Variants in GADL1 observed in about 807,000 individuals in gnomAD.
GADL1 encodes the protein GAD like acidic amino acid decarboxylase 1.
In GADL1, 71 loss-of-function variants were observed where a neutral mutation model predicts 69.5. The ratio of observed to expected loss-of-function variants is 1.02; its 90% CI spans 0.84 to 1.25. GADL1 has a LOEUF of 1.25. Ranked by LOEUF, GADL1 falls within the 50% of genes most tolerant of loss-of-function variation. GADL1 has a pLI of 0.00. For synonymous variants in GADL1, 254 were observed against 214.4 expected (o/e 1.18, Z -1.62); for missense variants, 737 against 631.8 (o/e 1.17, Z -1.79).
chr3:30,775,240 C>T (rs996769222), intron 14 of GADL1, among the ~76,000 whole-genome samples: 3 of 152,154 alleles, frequency 2.0e-5, no homozygotes, highest in Non-Finnish European at 2.9e-5. Context: ...CCCCTTCTGC[C>T]GCCAAATGGA....
At chr3:30,766,571 A>ATG (rs1696286874) in intron 14 of GADL1, among the ~76,000 whole-genome samples, 1 of 152,062 alleles carries the variant, frequency 6.6e-6, no homozygotes, top group Non-Finnish European at 1.5e-5. Context: ...TTTTCTCTTA[A>ATG]TGAGGAAACA....
chr3:30,801,843 T>C (rs543519678), intron 11 of GADL1, among the ~76,000 whole-genome samples: 1 of 152,266 alleles, frequency 6.6e-6, no homozygotes, highest in Non-Finnish European at 1.5e-5. Context: ...GATTTCCTAA[T>C]CAATCATTTA....
chr3:30,771,473 C>T (rs1696416727), intron 14 of GADL1, among the ~76,000 whole-genome samples: 1 of 152,180 alleles, frequency 6.6e-6, no homozygotes, highest in Non-Finnish European at 1.5e-5. Context: ...ACAATGCCAG[C>T]CACTATCCAA....
chr3:30,798,454 T>C lies in GADL1; in HGVS notation c.1250+2435A>G, dbSNP rs963201695. The stretch of plus-strand genomic sequence containing the variant: ...AAACCATCAGAGCTTGTGAGACTTA[T>C]GCACTACCATGACAGCAGTATGGGG... On this transcript the variant is annotated intron_variant, in intron 12 of 14. Coordinates refer to ENST00000282538, the MANE Select transcript of GADL1 (RefSeq NM_207359.3). 7 of 152,322 alleles carry C rather than the reference T, an allele frequency of 4.6e-5. No individual in the cohort carries two copies. In the Middle Eastern group the frequency reaches 0.01, roughly 221 times the overall value. 9.4% of individuals were successfully genotyped at this position (152,322 alleles called of 1,614,324 possible). A position where few individuals can be genotyped will look rare whatever the true frequency, so the allele number is the denominator to read the frequency against.
chr3:30,783,909 C>A (rs1165042858), intron 13 of GADL1, among the ~76,000 whole-genome samples: 1 of 152,070 alleles, frequency 6.6e-6, no homozygotes, highest in African/African-American at 2.4e-5. Context: ...TTAATCGGCC[C>A]ATCTTTTTTC....
At chr3:30,828,479 T>TAG (rs1553601346) in intron 11 of GADL1, among the ~76,000 whole-genome samples, 1 of 133,318 alleles carries the variant, frequency 7.5e-6, no homozygotes, top group African/African-American at 2.9e-5. Context: ...AAAATAAAAG[T>TAG]GGGGGGGGTG....
chr3:30,857,403 G>A (rs1024706220), intron 2 of GADL1, among the ~76,000 whole-genome samples: 2 of 151,908 alleles, frequency 1.3e-5, no homozygotes, highest in Non-Finnish European at 2.9e-5. Context: ...AGAGTAGAGC[G>A]AATCAAAGTT....
intron 11 of GADL1, among the ~76,000 whole-genome samples, chr3:30,825,961 TAATAA>T (rs1195379980): frequency 3.3e-5 from 5 of 151,968 alleles, no homozygotes; most frequent in Admixed American, 3.3e-4. Context: ...CGTGAGTTAA[TAATAA>T]AATAAAAGGC....
At chr3:30,824,614 C>A (rs1220890675) in intron 11 of GADL1, among the ~76,000 whole-genome samples, 1 of 151,644 alleles carries the variant, frequency 6.6e-6, no homozygotes, top group African/African-American at 2.4e-5. Flanking sequence ...TGAAAATAAT[C>A]ATCAGATTGT....
In GADL1 at chr3:30,778,276, T is replaced by C. The variant is rs1696585044; in HGVS notation, c.1303-8A>G. 2 of 1,544,282 alleles carry C rather than the reference T, an allele frequency of 1.3e-6. No homozygotes were observed. Among genetic ancestry groups the C allele is most frequent in the African/African-American group, 1.4e-5 (1 of 72,102 alleles). ...AATATTGGCATATTCAGGCTGAGAA[T>C]TAGAAAAAATATAAAGTTGTTATCT... is the stretch of plus-strand genomic sequence containing the variant. On this transcript the variant is annotated splice_region_variant and splice_polypyrimidine_tract_variant and intron_variant, in intron 13 of 14. Coordinates refer to ENST00000282538, the MANE Select transcript of GADL1 (RefSeq NM_207359.3).
At chr3:30,737,759 T>G (rs1199887520) in intron 14 of GADL1, among the ~76,000 whole-genome samples, 1 of 152,166 alleles carries the variant, frequency 6.6e-6, no homozygotes, top group South Asian at 2.1e-4. Context: ...TTTTCAAATA[T>G]GAATTTTACC....
At chr3:30,823,137 T>C (rs1158972766) in intron 11 of GADL1, among the ~76,000 whole-genome samples, 2 of 151,966 alleles carry the variant, frequency 1.3e-5, no homozygotes, top group African/African-American at 2.4e-5. Context: ...GACAGGGATA[T>C]AAACTACTGG....
intron 12 of GADL1, among the ~76,000 whole-genome samples, chr3:30,791,437 C>T (rs1306514981): frequency 6.6e-6 from 1 of 152,116 alleles, no homozygotes; most frequent in African/African-American, 2.4e-5. Flanking sequence ...CTGAGCCTGC[C>T]TCCACTTCCT....
At chr3:30,744,260 C>T (rs1318605762) in intron 14 of GADL1, among the ~76,000 whole-genome samples, 1 of 152,144 alleles carries the variant, frequency 6.6e-6, no homozygotes, top group Non-Finnish European at 1.5e-5. Flanking sequence ...CCCCCAAACC[C>T]TGCATTCAGA....
At chr3:30,764,108 C>T (rs1023140816) in intron 14 of GADL1, among the ~76,000 whole-genome samples, 2 of 151,940 alleles carry the variant, frequency 1.3e-5, no homozygotes, top group Admixed American at 1.3e-4. Context: ...TGCAAATGTA[C>T]ATTATATATA....
Position 30,728,339 on chromosome 3 carries a change from A to C in GADL1, c.1469T>G (p.Val490Gly), listed in dbSNP as rs1234559302. 16 of 1,613,802 alleles carry C rather than the reference A, an allele frequency of 9.9e-6. No homozygotes were observed. Among genetic ancestry groups the C allele is most frequent in the Non-Finnish European group, 1.3e-5 (15 of 1,179,814 alleles). Residue 490 changes from valine to glycine, a missense_variant, in exon 15 of 15, where the codon GTC becomes GGC. Coordinates refer to ENST00000282538, the MANE Select transcript of GADL1 (RefSeq NM_207359.3). ...GATCACCACCTGGCGGAAGAAGTTG[A>C]CCTTTCCCCGGTGCGGCTGGTAGCC... is the stretch of plus-strand genomic sequence containing the variant. Reference protein sequence around the residue: ...MLGYQPHRGKVNFFRQVVISP... With the variant: ...MLGYQPHRGKGNFFRQVVISP...
intron 12 of GADL1, among the ~76,000 whole-genome samples, chr3:30,793,102 C>T (rs1178548368): frequency 1.3e-5 from 2 of 152,152 alleles, no homozygotes; most frequent in Non-Finnish European, 2.9e-5. Context: ...TAGTAGTTAG[C>T]ATCTCCCAGA....
At chr3:30,881,471 A>C (rs188234913) in intron 1 of GADL1, among the ~76,000 whole-genome samples, 1 of 151,954 alleles carries the variant, frequency 6.6e-6, no homozygotes, top group Non-Finnish European at 1.5e-5. Context: ...ACACAAAAGC[A>C]TCAAGTGGTG....
rs377105208 is a variant in GADL1 at position 30,783,704 on chromosome 3, A to G, written c.1302+2651T>C. Among the ~76,000 whole-genome samples the G allele has an allele frequency of 2.6e-4, 39 of 152,302 alleles. 1 individual carries two copies. Among genetic ancestry groups the G allele is most frequent in the African/African-American group, 9.1e-4 (38 of 41,568 alleles). On this transcript the variant is annotated intron_variant, in intron 13 of 14. Coordinates refer to ENST00000282538, the MANE Select transcript of GADL1 (RefSeq NM_207359.3). ...AAAATCCTTACACCAGGAATTCTGGAAAACCATTTAGAAAACCACCTGCAC... is the reference window on the plus strand; with the variant it reads ...AAAATCCTTACACCAGGAATTCTGGGAAACCATTTAGAAAACCACCTGCAC...
Sources: allele counts gnomAD v4.1 joint callset (sites outside exome capture counted in the v4.1 genomes callset), GRCh38; gene constraint gnomAD v4.1.1; transcripts MANE v1.5; gene names NCBI Gene and HGNC (gene_info 2026-07-23, HGNC 2026-07-21).